The following TRAK1 variants were observed in gnomAD, a reference collection of about 807,000 sequenced individuals.
The protein encoded by TRAK1 is trafficking kinesin-binding protein 1.
Under a neutral mutation model 92.1 loss-of-function variants are expected in TRAK1, and 33 were observed. The ratio of observed to expected loss-of-function variants is 0.36; its 90% CI spans 0.27 to 0.48. The LOEUF is 0.48. TRAK1 is among the 20% of genes least tolerant of loss of function. The pLI is 0.99. For synonymous variants in TRAK1, 521 were observed against 517.3 expected (o/e 1.01, Z -0.10); for missense variants, 1,123 against 1,257.9 (o/e 0.89, Z 1.62).
chr3:42,030,723 TA>T (rs1702107069), intron 1 of TRAK1, among the ~76,000 whole-genome samples: 1 of 104,760 alleles, frequency 9.5e-6, no homozygotes, highest in African/African-American at 4.3e-5. Flanking sequence ...TATATATATA[TA>T]TATATATATA....
At chr3:42,042,907 G>A (rs1373100406) in intron 1 of TRAK1, among the ~76,000 whole-genome samples, 1 of 151,940 alleles carries the variant, frequency 6.6e-6, no homozygotes, top group Non-Finnish European at 1.5e-5. Context: ...GACCTGTCAT[G>A]GTCTGGACGT....
chr3:42,042,167 T>A (rs1283372946), intron 1 of TRAK1, among the ~76,000 whole-genome samples: 4 of 152,100 alleles, frequency 2.6e-5, no homozygotes, highest in Non-Finnish European at 5.9e-5. Context: ...CTTCAGGTGA[T>A]CCTCCCACCT....
intron 1 of TRAK1, among the ~76,000 whole-genome samples, chr3:42,031,274 T>C (rs1401420288): frequency 6.6e-6 from 1 of 151,736 alleles, no homozygotes; most frequent in Non-Finnish European, 1.5e-5. Flanking sequence ...CCTGACCTTG[T>C]GATCCACCCG....
upstream of TRAK1, among the ~76,000 whole-genome samples, chr3:42,090,873 C>G (rs1240521529): frequency 6.6e-6 from 1 of 152,140 alleles, no homozygotes; most frequent in Non-Finnish European, 1.5e-5. Context: ...CACAGACACT[C>G]TTATGCGTTT....
At chr3:42,218,465 G>C (rs1305364151) in intron 14 of TRAK1, 1 of 984,828 alleles carries the variant, frequency 1.0e-6, no homozygotes, top group East Asian at 1.1e-4. Flanking sequence ...TTGGGTGGGA[G>C]AATCATCCCG....
At chr3:42,117,089 C>G (rs576374084) in intron 1 of TRAK1, among the ~76,000 whole-genome samples, 1 of 152,142 alleles carries the variant, frequency 6.6e-6, no homozygotes, top group South Asian at 2.1e-4. Flanking sequence ...GGGGCGTCAC[C>G]GGGAAGTGCT....
Position 42,096,656 on chromosome 3 carries a change from C to A in TRAK1, c.91+5096C>A, listed in dbSNP as rs544276217. ...TGTATTTCAAATGTCGCTGAGGGGACGTGGCCTCATTAGAACACATAATGA... is the reference window on the plus strand; with the variant it reads ...TGTATTTCAAATGTCGCTGAGGGGAAGTGGCCTCATTAGAACACATAATGA... On this transcript the variant is annotated intron_variant, in intron 1 of 15. Coordinates refer to ENST00000327628, the MANE Select transcript of TRAK1 (RefSeq NM_001042646.3). 2.6e-4 allele frequency among the ~76,000 whole-genome samples: 39 copies of A among 152,346 alleles called. No individual in the cohort carries two copies. In the Middle Eastern group the frequency reaches 0.01, roughly 40 times the overall value.
chr3:42,134,766 A>C (rs1697719033), intron 2 of TRAK1, among the ~76,000 whole-genome samples: 1 of 150,192 alleles, frequency 6.7e-6, no homozygotes. Flanking sequence ...TTTTTAGTAG[A>C]GACGGGGTTT....
chr3:42,223,811 C>G lies in TRAK1; in HGVS notation c.*74C>G, dbSNP rs542703942. 6.7e-7 allele frequency: 1 copy of G among 1,491,348 alleles called. No individual in the cohort carries two copies. Among genetic ancestry groups the G allele is most frequent in the East Asian group, 2.3e-5 (1 of 43,652 alleles). The allele number at this position is 1,491,348 out of a possible 1,614,324, so 92.4% of individuals were successfully genotyped here. ...CTTGCTCCCACCTCCCTCTCTTCCC[C>G]CCACAGTGCACTCCCTCCCTCTGCC... On this transcript the variant is annotated 3_prime_UTR_variant, in exon 16 of 16. Transcript: ENST00000327628. The surrounding 1 kb of genome is among the most constrained non-coding windows in gnomAD (Gnocchi z 6.1).
intron 10 of TRAK1, among the ~76,000 whole-genome samples, chr3:42,195,148 A>T (rs2149443039): frequency 6.6e-6 from 1 of 152,186 alleles, no homozygotes; most frequent in East Asian, 1.9e-4. Flanking sequence ...GTTCCTCTAA[A>T]TCTGTGGTCT....
At chr3:42,025,424 C>G (rs1701876511) in intron 1 of TRAK1, among the ~76,000 whole-genome samples, 1 of 152,134 alleles carries the variant, frequency 6.6e-6, no homozygotes, top group Non-Finnish European at 1.5e-5. Flanking sequence ...TCCACTTTAT[C>G]TAAGCTACTG....
intron 1 of TRAK1, among the ~76,000 whole-genome samples, chr3:42,064,930 A>G (rs1018759757): frequency 8.5e-5 from 13 of 152,108 alleles, no homozygotes; most frequent in Non-Finnish European, 1.6e-4. Context: ...GCAGGTGCCT[A>G]TAGTCCTAGC....
intron 1 of TRAK1, among the ~76,000 whole-genome samples, chr3:42,032,024 C>T (rs1022526493): frequency 1.3e-5 from 2 of 152,182 alleles, no homozygotes; most frequent in African/African-American, 4.8e-5. Context: ...CTGAATTCTT[C>T]CCCATCTTCT....
At chr3:42,184,837 C>A (rs745842983) in intron 4 of TRAK1, 36 bp downstream of exon 4, 1 of 1,587,304 alleles carries the variant, frequency 6.3e-7, no homozygotes, top group Non-Finnish European at 8.6e-7. Flanking sequence ...CAGAGGGGCC[C>A]GCCACAGGCC....
chr3:42,202,305 CTGCT>C lies in TRAK1; in HGVS notation c.1428-127_1428-124del. 1 of 1,017,168 alleles carries C rather than the reference CTGCT, an allele frequency of 9.8e-7. No individual in the cohort carries two copies. Among genetic ancestry groups the C allele is most frequent in the Non-Finnish European group, 1.3e-6 (1 of 764,374 alleles). The allele number at this position is 1,017,168 out of a possible 1,614,324, so 63.0% of individuals were successfully genotyped here. The stretch of plus-strand genomic sequence containing the variant: ...TTTCCCCCTGTTGCCTAAATGTCAA[CTGCT>C]TGCCTTGGTTCCCATGGAGAATCCT... On this transcript the variant is annotated intron_variant, in intron 12 of 15. Transcript: ENST00000327628. The surrounding 1 kb of genome is among the most constrained non-coding windows in gnomAD (Gnocchi z 6.1).
chr3:42,105,052 A>G lies in TRAK1; in HGVS notation c.91+13492A>G, dbSNP rs532122485. 1.1e-3 allele frequency among the ~76,000 whole-genome samples: 168 copies of G among 151,814 alleles called. 1 individual carries two copies. In the Middle Eastern group the frequency reaches 0.014, roughly 12 times the overall value. On this transcript the variant is annotated intron_variant, in intron 1 of 15. Coordinates refer to ENST00000327628, the MANE Select transcript of TRAK1 (RefSeq NM_001042646.3). ...CCGCAACCTCTGCCTCCTGGCTTCAAGTGAGTCTCCTGCCTCAGCCTCCCA... is the reference window on the plus strand; with the variant it reads ...CCGCAACCTCTGCCTCCTGGCTTCAGGTGAGTCTCCTGCCTCAGCCTCCCA...
chr3:42,175,157 A>G (rs1421302829), intron 2 of TRAK1, among the ~76,000 whole-genome samples: 3 of 152,116 alleles, frequency 2.0e-5, no homozygotes, highest in Admixed American at 6.5e-5. Flanking sequence ...TGACAACACA[A>G]ATTTAAACAC....
intron 2 of TRAK1, among the ~76,000 whole-genome samples, chr3:42,135,962 A>G (rs1697903151): frequency 6.6e-6 from 1 of 151,806 alleles, no homozygotes; most frequent in Admixed American, 6.6e-5. Flanking sequence ...TTCCATAGAA[A>G]CTCGGGGTGG....
chr3:42,116,726 A>G (rs1709211637), intron 1 of TRAK1, among the ~76,000 whole-genome samples: 3 of 152,190 alleles, frequency 2.0e-5, no homozygotes, highest in African/African-American at 7.2e-5. Flanking sequence ...CTCCCCAAGC[A>G]TAGCCAGGGG....
Sources: allele counts gnomAD v4.1 joint callset (sites outside exome capture counted in the v4.1 genomes callset), GRCh38; gene constraint gnomAD v4.1.1; non-coding constraint Gnocchi (gnomAD v3.1); transcripts MANE v1.5; gene names NCBI Gene and HGNC (gene_info 2026-07-23, HGNC 2026-07-21).